Variants in CD82 observed in about 807,000 individuals in gnomAD.
The protein encoded by CD82 is CD82 antigen.
CD82 carries 36 observed loss-of-function variants against 37.4 expected under a neutral mutation model. The observed-to-expected ratio is 0.96, with a 90% confidence interval of 0.74 to 1.27. CD82 has a LOEUF of 1.27. Ranked by LOEUF, CD82 falls within the 50% of genes most tolerant of loss-of-function variation. The probability of loss-of-function intolerance (pLI) is 0.00; values close to 1 mark genes in which losing one functional copy is unlikely to be tolerated. For missense variants in CD82, 340 were observed against 347.0 expected, an observed-to-expected ratio of 0.98 and a Z score of 0.16; for synonymous variants, 158 against 137.4, an observed-to-expected ratio of 1.15 and a Z score of -1.05.
At chr11:44,618,563 G>A (rs1223537006) in intron 8 of CD82, 77 bp from the exon 9 acceptor site, 36 of 1,297,908 alleles carry the variant, frequency 2.8e-5, no homozygotes, top group East Asian at 2.3e-4. Context: ...GCTGGGACTG[G>A]GGGGCTCTCG....
At chr11:44,604,963 G>A in intron 4 of CD82, 95 bp from the exon 5 acceptor site, 2 of 1,572,942 alleles carry the variant, frequency 1.3e-6, no homozygotes, top group Admixed American at 1.7e-5. Context: ...CAACACCCTG[G>A]CTCCAAAGAG....
At chr11:44,594,457 G>A (rs1214275401) in intron 2 of CD82, among the ~76,000 whole-genome samples, 186 bp from the exon 3 acceptor site, 1 of 152,110 alleles carries the variant, frequency 6.6e-6, no homozygotes, top group Non-Finnish European at 1.5e-5. Flanking sequence ...AGCATCAAGT[G>A]CCTGGCACAC....
At chr11:44,583,610 G>C (rs1192654431) in intron 1 of CD82, among the ~76,000 whole-genome samples, 1 of 152,206 alleles carries the variant, frequency 6.6e-6, no homozygotes, top group Non-Finnish European at 1.5e-5. Flanking sequence ...TTGGGCAGCA[G>C]GTGAAGATGA....
chr11:44,590,891 T>C (rs1323204351), intron 2 of CD82, among the ~76,000 whole-genome samples: 1 of 152,148 alleles, frequency 6.6e-6, no homozygotes, highest in Non-Finnish European at 1.5e-5. Flanking sequence ...CCATCGTGGG[T>C]GACCTGGGTG....
intron 2 of CD82, among the ~76,000 whole-genome samples, chr11:44,592,092 T>G (rs1466620549): frequency 1.3e-5 from 2 of 152,220 alleles, no homozygotes; most frequent in Non-Finnish European, 2.9e-5. Context: ...GTGCTGGGAT[T>G]ACAGGCATGA....
At chr11:44,581,091 A>T (rs771891482) in intron 1 of CD82, among the ~76,000 whole-genome samples, 2 of 152,168 alleles carry the variant, frequency 1.3e-5, no homozygotes, top group African/African-American at 2.4e-5. Context: ...CTGGTGCCTA[A>T]TGTCACCCCA....
At chr11:44,615,468 TG>T (rs1853550726) in intron 7 of CD82, 95 bp downstream of exon 7, 3 of 753,418 alleles carry the variant, frequency 4.0e-6, no homozygotes, top group Admixed American at 2.0e-5. Flanking sequence ...GCATCTGCAG[TG>T]CTCGTGTGTG....
intron 1 of CD82, among the ~76,000 whole-genome samples, chr11:44,567,896 A>G (rs1422090274): frequency 6.6e-6 from 1 of 152,218 alleles, no homozygotes; most frequent in African/African-American, 2.4e-5. Context: ...TGTCTTGAGG[A>G]GAGGAAAATG....
chr11:44,615,927 G>A (rs901263169), intron 7 of CD82, among the ~76,000 whole-genome samples: 3 of 152,178 alleles, frequency 2.0e-5, no homozygotes, highest in Non-Finnish European at 1.5e-5. Context: ...TGGATGGGTG[G>A]ACAGATGGAC....
chr11:44,573,005 C>A (rs1046097884), intron 1 of CD82: 1 of 152,286 alleles, frequency 6.6e-6, no homozygotes. Flanking sequence ...ACTCTCCCTG[C>A]GGGCAATTTG....
chr11:44,618,049 C>T, intron 7 of CD82, 113 bp from the exon 8 acceptor site: 1 of 823,606 alleles, frequency 1.2e-6, no homozygotes, highest in Non-Finnish European at 1.9e-6. Flanking sequence ...GGACCAGGGG[C>T]CTGGAAGTGG....
At chr11:44,589,489 A>G (rs1853107781) in intron 2 of CD82, among the ~76,000 whole-genome samples, 2 of 152,254 alleles carry the variant, frequency 1.3e-5, no homozygotes, top group African/African-American at 4.8e-5. Flanking sequence ...TCATCTGTAA[A>G]TTAAATCCTC....
chr11:44,589,903 G>A (rs1183976860), intron 2 of CD82, among the ~76,000 whole-genome samples: 2 of 151,924 alleles, frequency 1.3e-5, no homozygotes, highest in Non-Finnish European at 2.9e-5. Flanking sequence ...GCGCGATCTC[G>A]GCTCACTGCA....
chr11:44,610,839 TTTC>T (rs1853470586), intron 6 of CD82, among the ~76,000 whole-genome samples: 1 of 152,178 alleles, frequency 6.6e-6, no homozygotes, highest in African/African-American at 2.4e-5. Context: ...TTCTTTTTTT[TTTC>T]TTTTCTTTTT....
At chr11:44,575,304 A>C (rs1443320786) in intron 1 of CD82, among the ~76,000 whole-genome samples, 3 of 152,210 alleles carry the variant, frequency 2.0e-5, no homozygotes, top group Non-Finnish European at 4.4e-5. Flanking sequence ...GTCATTAACT[A>C]ATCATGGGCT....
chr11:44,604,202 T>A (rs1171649733), intron 4 of CD82, among the ~76,000 whole-genome samples: 2 of 152,164 alleles, frequency 1.3e-5, no homozygotes, highest in East Asian at 3.9e-4. Flanking sequence ...ATGTCAGACC[T>A]TGTTAGTCAC....
chr11:44,574,503 G>A (rs1852861025), intron 1 of CD82, among the ~76,000 whole-genome samples: 1 of 152,176 alleles, frequency 6.6e-6, no homozygotes, highest in African/African-American at 2.4e-5. Context: ...CCCCAGGCCA[G>A]CGATTCTGAC....
intron 5 of CD82, 22 bp downstream of exon 5, chr11:44,605,204 G>C (rs1267575847): frequency 6.2e-7 from 1 of 1,610,604 alleles, no homozygotes; most frequent in Non-Finnish European, 8.5e-7. Flanking sequence ...TCCCTCCGCA[G>C]CTGCCTGCCC....
chr11:44,593,230 T>C (rs1853171048), intron 2 of CD82, among the ~76,000 whole-genome samples: 1 of 152,230 alleles, frequency 6.6e-6, no homozygotes, highest in Non-Finnish European at 1.5e-5. Context: ...GACTTTCAAG[T>C]GGTGCTGGAG....
Sources: allele counts gnomAD v4.1 joint callset (sites outside exome capture counted in the v4.1 genomes callset), GRCh38; gene constraint gnomAD v4.1.1; transcripts MANE v1.5; gene names NCBI Gene and HGNC (gene_info 2026-07-23, HGNC 2026-07-21).